The following DOCK2 variants were observed in gnomAD, a reference collection of about 807,000 sequenced individuals.
DOCK2 encodes the protein dedicator of cytokinesis protein 2.
DOCK2 carries 87 observed loss-of-function variants against 248.9 expected under a neutral mutation model. That is an observed-to-expected ratio of 0.35 (90% CI 0.29 to 0.42). The LOEUF is 0.42. Ranked by LOEUF, DOCK2 falls within the 10% of genes least tolerant of loss-of-function variation. The pLI, the probability that DOCK2 is intolerant of heterozygous loss-of-function variation, is 1.00. For missense variants in DOCK2, 1,747 were observed against 2,300.2 expected (o/e 0.76, Z 4.92); for synonymous variants, 805 against 821.6 (o/e 0.98, Z 0.35).
intron 41 of DOCK2, 46 bp downstream of exon 41, chr5:170,050,443 C>A: frequency 1.3e-6 from 2 of 1,571,294 alleles, no homozygotes; most frequent in Non-Finnish European, 1.7e-6. Context: ...CCTGAGCAGC[C>A]CTGCCAGGGC....
At chr5:169,688,068 GC>G (rs1760085778) in intron 8 of DOCK2, among the ~76,000 whole-genome samples, 1 of 152,202 alleles carries the variant, frequency 6.6e-6, no homozygotes, top group Non-Finnish European at 1.5e-5. Flanking sequence ...GGGACTACAG[GC>G]ATGTGCCACC....
chr5:169,992,305 T>C (rs1048355998), intron 29 of DOCK2, among the ~76,000 whole-genome samples: 1 of 152,232 alleles, frequency 6.6e-6, no homozygotes, highest in South Asian at 2.1e-4. Flanking sequence ...CTTCCTCCTA[T>C]ACAGCCGCTA....
At chr5:169,816,061 A>C (rs1768054271) in intron 26 of DOCK2, among the ~76,000 whole-genome samples, 1 of 152,214 alleles carries the variant, frequency 6.6e-6, no homozygotes, top group Admixed American at 6.5e-5. Context: ...GTTGGGAGAC[A>C]TGAGTTAAAA....
chr5:170,033,525 A>T (rs954726101), intron 34 of DOCK2, among the ~76,000 whole-genome samples: 1 of 152,222 alleles, frequency 6.6e-6, no homozygotes, highest in South Asian at 2.1e-4. Context: ...GCACATAGAG[A>T]CACATGATGG....
At chr5:170,010,913 A>G (rs1323311536) in intron 32 of DOCK2, among the ~76,000 whole-genome samples, 1 of 152,242 alleles carries the variant, frequency 6.6e-6, no homozygotes, top group African/African-American at 2.4e-5. Flanking sequence ...TTTTGCACAC[A>G]GAAGATTTTA....
intron 27 of DOCK2, among the ~76,000 whole-genome samples, chr5:169,856,254 G>A (rs1277618568): frequency 6.6e-6 from 1 of 152,182 alleles, no homozygotes; most frequent in Non-Finnish European, 1.5e-5. Flanking sequence ...CATTCAGGTG[G>A]GGTGAATCAG....
chr5:169,704,432 G>A (rs1306093201), intron 14 of DOCK2, among the ~76,000 whole-genome samples: 2 of 150,140 alleles, frequency 1.3e-5, no homozygotes, highest in Non-Finnish European at 3.0e-5. Flanking sequence ...ACCTTGGGGT[G>A]TCAAGGGCCT....
At chr5:169,959,484 G>A (rs1776998478) in intron 27 of DOCK2, among the ~76,000 whole-genome samples, 1 of 152,120 alleles carries the variant, frequency 6.6e-6, no homozygotes, top group South Asian at 2.1e-4. Context: ...AGAAGTTTAT[G>A]GTTCAACATA....
Position 170,047,558 on chromosome 5 carries a change from A to C in DOCK2, c.4015A>C (p.Lys1339Gln). 6.2e-7 allele frequency: 1 copy of C among 1,613,898 alleles called. No homozygotes were observed. The highest frequency in any genetic ancestry group is 8.5e-7 in the Non-Finnish European group (1 of 1,179,880). ...YESIMKILRPKPDYFAVGYYG... is the reference protein window; with the variant it reads ...YESIMKILRPQPDYFAVGYYG... The stretch of plus-strand genomic sequence containing the variant: ...AAGCATCATGAAAATCCTCAGGCCC[A>C]AACCAGACTACTTTGCTGTTGGATA... Residue 1339 changes from lysine (K) to glutamine (Q), a missense_variant, in exon 40 of 52, where the codon AAA becomes CAA. Physicochemically the swap from Lys to Gln is moderately conservative, Grantham distance 53 (BLOSUM62 1). Around this residue, in one of 4 missense-constraint regions of DOCK2, gnomAD observed 858 missense variants for 1,183.5 expected, o/e 0.72. Coordinates refer to ENST00000520908, the MANE Select transcript of DOCK2 (RefSeq NM_004946.3).
At chr5:170,025,127 A>T (rs1437540255) in intron 33 of DOCK2, among the ~76,000 whole-genome samples, 2 of 152,276 alleles carry the variant, frequency 1.3e-5, no homozygotes, top group Middle Eastern at 3.2e-3. Flanking sequence ...GACACAGCAC[A>T]CACTTAATGT....
At chr5:170,051,415 T>C (rs567490079) in intron 41 of DOCK2, among the ~76,000 whole-genome samples, 1 of 152,314 alleles carries the variant, frequency 6.6e-6, no homozygotes, top group East Asian at 1.9e-4. Flanking sequence ...CTCTGAGCAT[T>C]CATGTTCTCT....
intron 26 of DOCK2, among the ~76,000 whole-genome samples, chr5:169,814,677 C>T (rs566252458): frequency 7.2e-5 from 11 of 152,148 alleles, no homozygotes; most frequent in African/African-American, 2.7e-4. Context: ...AACATTATTT[C>T]AAAATTTAAA....
rs116552898 is a variant in DOCK2 at position 170,067,087 on chromosome 5, A to G, written c.4468-423A>G. On this transcript the variant is annotated intron_variant, in intron 44 of 51. Transcript: ENST00000520908. The stretch of plus-strand genomic sequence containing the variant: ...CTTGGAACAGTGAACCCCTCTAACA[A>G]CCAGTCTTAGGACCTACTATGTGCC... 1.2e-3 allele frequency among the ~76,000 whole-genome samples: 176 copies of G among 152,268 alleles called. 2 individuals are homozygous for G. Among genetic ancestry groups the G allele is most frequent in the African/African-American group, 4.1e-3 (170 of 41,538 alleles).
chr5:169,964,222 G>A (rs1366299867), intron 27 of DOCK2, among the ~76,000 whole-genome samples: 4 of 152,100 alleles, frequency 2.6e-5, no homozygotes, highest in South Asian at 2.1e-4. Flanking sequence ...CTTTATCCTC[G>A]GTGACCACAG....
intron 26 of DOCK2, among the ~76,000 whole-genome samples, chr5:169,825,156 T>G (rs189548982): frequency 6.6e-6 from 1 of 152,162 alleles, no homozygotes; most frequent in Non-Finnish European, 1.5e-5. Context: ...ATAGGAACAC[T>G]TTTACACTGT....
At chr5:169,836,900 G>A (rs1769614675) in intron 26 of DOCK2, among the ~76,000 whole-genome samples, 1 of 152,132 alleles carries the variant, frequency 6.6e-6, no homozygotes, top group South Asian at 2.1e-4. Context: ...TTTGTCTATT[G>A]TTACTTAAAA....
intron 25 of DOCK2, among the ~76,000 whole-genome samples, chr5:169,797,050 AGAACAT>A (rs1766696102): frequency 6.6e-6 from 1 of 152,246 alleles, no homozygotes; most frequent in Non-Finnish European, 1.5e-5. Flanking sequence ...GACTTGACAC[AGAACAT>A]GAAGGAAGTT....
At position 169,965,644 on chromosome 5, in the gene DOCK2, T is replaced by TAGGAACCATGGCCTCAGAGTCC. The variant is rs563280680; in HGVS notation, c.2800-17422_2800-17401dup. 2.8e-4 allele frequency among the ~76,000 whole-genome samples: 43 copies of TAGGAACCATGGCCTCAGAGTCC among 152,238 alleles called. 1 individual carries two copies. The South Asian group carries it at 8.3e-3, about 29-fold the overall frequency. On this transcript the variant is annotated intron_variant, in intron 27 of 51. Coordinates refer to ENST00000520908, the MANE Select transcript of DOCK2 (RefSeq NM_004946.3). ...GGTAATTCTAATGTGCAGCAGAGTT[T>TAGGAACCATGGCCTCAGAGTCC]AGGAACCATGGCCTCAGAGTCCAAC...
chr5:169,721,260 C>T (rs1762187947), intron 22 of DOCK2, among the ~76,000 whole-genome samples: 1 of 152,238 alleles, frequency 6.6e-6, no homozygotes, highest in Non-Finnish European at 1.5e-5. Flanking sequence ...AATAGCAGCA[C>T]ATCACTGACA....
Sources: gnomAD v4.1 joint callset for allele counts (sites outside exome capture counted in the v4.1 genomes callset) on GRCh38, gnomAD v4.1.1 for gene constraint, gnomAD v4.1.1 regional missense constraint, MANE v1.5 for transcripts, NCBI Gene and HGNC (gene_info 2026-07-23, HGNC 2026-07-21) for gene names.